Variants in SLC28A3 observed in about 807,000 individuals in gnomAD.
SLC28A3 encodes the protein concentrative Na(+)-nucleoside cotransporter 3.
In SLC28A3, 68 loss-of-function variants were observed where a neutral mutation model predicts 84.2. The ratio of observed to expected loss-of-function variants is 0.81; its 90% CI spans 0.66 to 0.99. The LOEUF is 0.99. Among genes scored for constraint, SLC28A3 ranks in the 50% least tolerant of loss-of-function variants. The pLI is 0.00. For synonymous variants in SLC28A3, 267 were observed against 303.6 expected (o/e 0.88, Z 1.25); for missense variants, 712 against 841.5 (o/e 0.85, Z 1.90).
chr9:84,335,117 C>T (rs189438962), intron 1 of SLC28A3, among the ~76,000 whole-genome samples: 4 of 152,282 alleles, frequency 2.6e-5, no homozygotes, highest in South Asian at 2.1e-4. Context: ...TCCAGGTGAA[C>T]GTATGCTACA....
intron 9 of SLC28A3, among the ~76,000 whole-genome samples, chr9:84,293,910 C>A (rs559716098): frequency 1.3e-5 from 2 of 152,308 alleles, no homozygotes; most frequent in South Asian, 4.1e-4. Flanking sequence ...TTTCCCCCAG[C>A]AGTATCTGAC....
At chr9:84,310,691 T>C (rs766334827) in intron 2 of SLC28A3, 13 of 724,026 alleles carry the variant, frequency 1.8e-5, no homozygotes, top group African/African-American at 1.9e-5. Flanking sequence ...GTTCTTCTGA[T>C]TCAGATTACC....
intron 4 of SLC28A3, among the ~76,000 whole-genome samples, chr9:84,303,978 T>C (rs1825712174): frequency 6.6e-6 from 1 of 152,238 alleles, no homozygotes; most frequent in African/African-American, 2.4e-5. Context: ...AGTACTTGTT[T>C]CTGGCTTCTG....
chr9:84,367,633 A>G, the SLC28A3 span, among the ~76,000 whole-genome samples: 1,550 of 152,206 alleles, frequency 0.01, 17 homozygotes, highest in Non-Finnish European at 0.017. Context: ...ATTGATTTCT[A>G]TTTTTTACTA....
intron 9 of SLC28A3, among the ~76,000 whole-genome samples, chr9:84,293,850 GA>G (rs1331603059): frequency 1.3e-5 from 2 of 151,930 alleles, no homozygotes; most frequent in Non-Finnish European, 2.9e-5. Flanking sequence ...GCTTAAAAAA[GA>G]AAAAAAGATA....
At chr9:84,323,672 C>T (rs1356094611) in intron 1 of SLC28A3, among the ~76,000 whole-genome samples, 1 of 152,058 alleles carries the variant, frequency 6.6e-6, no homozygotes, top group Non-Finnish European at 1.5e-5. Context: ...ATCCGACCCC[C>T]TCAGCCTCCC....
the SLC28A3 span, among the ~76,000 whole-genome samples, chr9:84,367,536 A>T: frequency 6.6e-6 from 1 of 152,192 alleles, no homozygotes; most frequent in East Asian, 1.9e-4. Flanking sequence ...GACAAAGCAT[A>T]GAGAAAGAAC....
intron 1 of SLC28A3, among the ~76,000 whole-genome samples, chr9:84,318,986 C>T (rs74942930): frequency 1.3e-5 from 2 of 152,096 alleles, no homozygotes; most frequent in East Asian, 3.9e-4. Flanking sequence ...AGAGTTAGTA[C>T]ATTTTGAATC....
intron 1 of SLC28A3, among the ~76,000 whole-genome samples, chr9:84,323,562 G>C (rs764427706): frequency 2.0e-5 from 3 of 151,822 alleles, no homozygotes; most frequent in Admixed American, 6.6e-5. Context: ...GTAGCTGGGA[G>C]TACAGGCGTG....
At chr9:84,279,708 G>T (rs1478648819) in intron 16 of SLC28A3, among the ~76,000 whole-genome samples, 1 of 152,228 alleles carries the variant, frequency 6.6e-6, no homozygotes, top group Non-Finnish European at 1.5e-5. Context: ...GCCCGCCTTG[G>T]CCTCCCAGTG....
upstream of SLC28A3, among the ~76,000 whole-genome samples, chr9:84,341,322 G>T (rs1247208858): frequency 6.7e-6 from 1 of 150,318 alleles, no homozygotes; most frequent in Admixed American, 6.6e-5. Context: ...GTTTTCCTGT[G>T]GGTGGTGTTA....
intron 1 of SLC28A3, among the ~76,000 whole-genome samples, chr9:84,328,903 G>C (rs1826674665): frequency 6.6e-6 from 1 of 152,136 alleles, no homozygotes; most frequent in Non-Finnish European, 1.5e-5. Flanking sequence ...ACTCCAGCCT[G>C]GGTGACAGAA....
the SLC28A3 span, among the ~76,000 whole-genome samples, chr9:84,349,175 T>C: frequency 1.3e-5 from 2 of 152,208 alleles, no homozygotes; most frequent in African/African-American, 4.8e-5. Flanking sequence ...TTAAGAGCAA[T>C]GTTTTGGGGG....
At chr9:84,362,357 C>T in the SLC28A3 span, among the ~76,000 whole-genome samples, 1 of 152,106 alleles carries the variant, frequency 6.6e-6, no homozygotes, top group Non-Finnish European at 1.5e-5. Context: ...CTTGGCCAGG[C>T]GTTGTGGCTC....
At chr9:84,317,164 G>C (rs991560523) in intron 1 of SLC28A3, among the ~76,000 whole-genome samples, 1 of 152,172 alleles carries the variant, frequency 6.6e-6, no homozygotes, top group Non-Finnish European at 1.5e-5. Flanking sequence ...AGCCCAGACT[G>C]TCCCTCCCCA....
chr9:84,295,097 TG>T (rs895523653), intron 8 of SLC28A3, among the ~76,000 whole-genome samples: 2 of 152,180 alleles, frequency 1.3e-5, no homozygotes, highest in African/African-American at 4.8e-5. Flanking sequence ...TCTCATTTGC[TG>T]GCTCCAGGTC....
Position 84,279,338 on chromosome 9 carries a change from C to T in SLC28A3, c.1876G>A (p.Glu626Lys). 1.2e-6 allele frequency: 2 copies of T among 1,613,180 alleles called. No homozygotes were observed. Among genetic ancestry groups the T allele is most frequent in the Non-Finnish European group, 1.7e-6 (2 of 1,179,432 alleles). ...GGGAAAGTGGAGTTGAAGGCATTCT[C>T]TAAAACGTGATGGCAGTTGATGTCC... ...PVDINCHHVLENAFNSTFPGN... is the reference protein window; with the variant it reads ...PVDINCHHVLKNAFNSTFPGN... The change falls in exon 17 of 18, where the codon GAG becomes AAG. Residue 626 changes from glutamate (E) to lysine (K), a missense_variant. Glu to Lys is a moderately conservative substitution (Grantham distance 56). Coordinates refer to ENST00000376238, the MANE Select transcript of SLC28A3 (RefSeq NM_001199633.2).
At chr9:84,350,303 G>A in the SLC28A3 span, among the ~76,000 whole-genome samples, 2 of 152,080 alleles carry the variant, frequency 1.3e-5, no homozygotes, top group African/African-American at 4.8e-5. Flanking sequence ...TTAGCCGGGT[G>A]TGGTGGTGCA....
chr9:84,313,847 A>C (rs13291929), intron 1 of SLC28A3, among the ~76,000 whole-genome samples: 31,714 of 148,786 alleles, frequency 0.21, 3,688 homozygotes, highest in African/African-American at 0.31. Context: ...CCAGCCTGGG[A>C]GACACAGCAA....
Sources: gnomAD v4.1 joint callset for allele counts (sites outside exome capture counted in the v4.1 genomes callset) on GRCh38, gnomAD v4.1.1 for gene constraint, MANE v1.5 for transcripts, NCBI Gene and HGNC (gene_info 2026-07-23, HGNC 2026-07-21) for gene names.